DPEP1: variants seen among roughly 807,000 people sequenced by gnomAD.
DPEP1 encodes dipeptidase 1.
Under a neutral mutation model 42.3 loss-of-function variants are expected in DPEP1, and 50 were observed. The ratio of observed to expected loss-of-function variants is 1.18; its 90% CI spans 0.94 to 1.50. DPEP1 has a LOEUF of 1.50. Ranked by LOEUF, DPEP1 falls within the 40% of genes most tolerant of loss-of-function variation. DPEP1 has a pLI of 0.00. For missense variants in DPEP1, 663 were observed against 553.0 expected (o/e 1.20, Z -1.99); for synonymous variants, 297 against 234.0 (o/e 1.27, Z -2.46).
At position 89,614,720 on chromosome 16, in the gene DPEP1, G is replaced by A. The variant is rs192832891; in HGVS notation, c.-107+1001G>A. On this transcript the variant is annotated intron_variant, in intron 1 of 10. Transcript: ENST00000690203. ...TGAAGCAGGAGAATGGCGTGAACCCGGGAGGCGGAGGTTGCGGTGAGCTGA... is the reference window on the plus strand; with the variant it reads ...TGAAGCAGGAGAATGGCGTGAACCCAGGAGGCGGAGGTTGCGGTGAGCTGA... Among the ~76,000 whole-genome samples, 1,085 of 152,334 alleles carry A rather than the reference G, an allele frequency of 7.1e-3. 13 individuals carry two copies. Among genetic ancestry groups the A allele is most frequent in the African/African-American group, 0.025 (1,035 of 41,562 alleles).
chr16:89,627,971 G>A (rs1468175936), intron 1 of DPEP1, among the ~76,000 whole-genome samples: 1 of 152,102 alleles, frequency 6.6e-6, no homozygotes, highest in East Asian at 1.9e-4. Context: ...CGCCCAGGCG[G>A]GAGTGCAGTG....
At chr16:89,613,513 CT>C (rs980282105), upstream of DPEP1, 1 of 152,478 alleles carries the variant, frequency 6.6e-6, no homozygotes, top group Non-Finnish European at 1.5e-5. Flanking sequence ...TCTCTCCAAC[CT>C]TCCCCTCCCC....
At chr16:89,618,345 T>C (rs920566245) in intron 1 of DPEP1, among the ~76,000 whole-genome samples, 1 of 152,194 alleles carries the variant, frequency 6.6e-6, no homozygotes, top group African/African-American at 2.4e-5. Flanking sequence ...GTCTGCTATG[T>C]AGCCAAGACC....
chr16:89,636,102 C>T, intron 3 of DPEP1, 62 bp downstream of exon 3: 1 of 1,560,736 alleles, frequency 6.4e-7, no homozygotes, highest in Middle Eastern at 1.7e-4. Context: ...TACCTCAGGC[C>T]TGGCTACAGT....
In DPEP1 at chr16:89,630,399, G is replaced by A. The variant is rs377731528; in HGVS notation, c.-12G>A. ...AGGGCAGCAGTGCACACAGGTCCCC[G>A]GGGACCCCACCATGTGGAGCGGATG... On this transcript the variant is annotated 5_prime_UTR_variant, in exon 2 of 11. Coordinates refer to ENST00000690203, the MANE Select transcript of DPEP1 (RefSeq NM_001389466.1). The A allele has an allele frequency of 2.1e-5, 34 of 1,605,410 alleles. No individual in the cohort carries two copies. Among genetic ancestry groups the A allele is most frequent in the African/African-American group, 5.4e-5 (4 of 74,368 alleles).
rs146145232 is a variant in DPEP1 at position 89,638,165 on chromosome 16, C to A, written c.1179C>A (p.His393Gln). 1.5e-4 allele frequency: 240 copies of A among 1,606,080 alleles called. No homozygotes were observed. The African/African-American group carries it at 2.8e-3, about 19-fold the overall frequency. Residue 393 changes from histidine to glutamine, a missense_variant, in exon 11 of 11, where the codon CAC becomes CAA. Transcript: ENST00000690203. ...YSSGASSLHRHWGLLLASLAP... is the reference protein window; with the variant it reads ...YSSGASSLHRQWGLLLASLAP... Reference sequence around the variant, plus strand: ...CTGGGGCTTCCAGCCTCCATCGCCACTGGGGGCTCCTGCTGGCCTCCCTCG... The same window carrying A: ...CTGGGGCTTCCAGCCTCCATCGCCAATGGGGGCTCCTGCTGGCCTCCCTCG...
rs1186501404 is a variant in DPEP1, at chr16:89,637,395, G to A, written c.768+15G>A. 3.1e-6 allele frequency: 5 copies of A among 1,612,178 alleles called. No homozygotes were observed. In the South Asian group the frequency reaches 4.4e-5, roughly 14 times the overall value. On this transcript the variant is annotated intron_variant, in intron 7 of 10. Transcript: ENST00000690203. ...TGAGGCTGGTGGTGAGGGCCGAGGG[G>A]GCGACCTCCACCCCGCCTCCCTGGG...
At chr16:89,617,536 T>A (rs1387635083) in intron 1 of DPEP1, among the ~76,000 whole-genome samples, 1 of 149,658 alleles carries the variant, frequency 6.7e-6, no homozygotes, top group Non-Finnish European at 1.5e-5. Flanking sequence ...CCCACACCTG[T>A]GCCGGTCTGT....
rs544128376 is a variant in DPEP1, at chr16:89,614,771, A to G, written c.-107+1052A>G. Among the ~76,000 whole-genome samples the G allele has an allele frequency of 2.0e-3, 305 of 152,240 alleles. 4 individuals are homozygous for G. The highest frequency in any genetic ancestry group is 5.7e-3 in the African/African-American group (236 of 41,548). ...GATCGTGCCACTGCACTCCAGCCTG[A>G]GTGACAGAGCGAGACTCCGTATCCA... On this transcript the variant is annotated intron_variant, in intron 1 of 10. Transcript: ENST00000690203.
At chr16:89,623,674 A>AAGAACC (rs1201439898) in intron 1 of DPEP1, among the ~76,000 whole-genome samples, 4 of 152,070 alleles carry the variant, frequency 2.6e-5, no homozygotes, top group African/African-American at 7.2e-5. Context: ...GAAAACACGA[A>AAGAACC]AGAACCGTGC....
intron 3 of DPEP1, 92 bp from the exon 4 acceptor site, chr16:89,636,172 C>T (rs949383305): frequency 2.6e-6 from 4 of 1,551,948 alleles, no homozygotes; most frequent in Non-Finnish European, 3.5e-6. Context: ...GGGAGGGCTT[C>T]CCAGCGGGTG....
chr16:89,636,157 G>C, intron 3 of DPEP1, 107 bp from the exon 4 acceptor site: 1 of 1,547,464 alleles, frequency 6.5e-7, no homozygotes, highest in East Asian at 2.4e-5. Flanking sequence ...CGGTGCCCAG[G>C]CCGAGGGAGG....
chr16:89,633,944 C>T (rs1052397630), intron 2 of DPEP1, among the ~76,000 whole-genome samples: 15 of 152,140 alleles, frequency 9.9e-5, no homozygotes, highest in Non-Finnish European at 1.8e-4. Context: ...AAGGGGAACC[C>T]TGGGCATTCC....
At chr16:89,614,221 G>T (rs552361856) in intron 1 of DPEP1, among the ~76,000 whole-genome samples, 1 of 152,078 alleles carries the variant, frequency 6.6e-6, no homozygotes, top group Non-Finnish European at 1.5e-5. Context: ...GTCTGGACCC[G>T]CCAGGCCCTC....
intron 3 of DPEP1, 90 bp downstream of exon 3, chr16:89,636,130 G>A: frequency 6.5e-7 from 1 of 1,547,990 alleles, no homozygotes; most frequent in Admixed American, 1.9e-5. Context: ...TCCCTGTGGT[G>A]TTCCTCCAGG....
intron 1 of DPEP1, chr16:89,626,611 A>C (rs1233368149): frequency 6.6e-6 from 1 of 151,942 alleles, no homozygotes; most frequent in Non-Finnish European, 1.5e-5. Context: ...CGGCCTCCCA[A>C]AGTGCTTGGA....
intron 1 of DPEP1, among the ~76,000 whole-genome samples, chr16:89,616,425 C>G (rs115953559): frequency 5.3e-5 from 8 of 151,962 alleles, no homozygotes; most frequent in African/African-American, 1.9e-4. Context: ...CGGGTGTGCT[C>G]GGGGCTGTGC....
At chr16:89,638,719 GCACA>G (rs373543632), downstream of DPEP1, among the ~76,000 whole-genome samples, 3 of 46,858 alleles carry the variant, frequency 6.4e-5, no homozygotes, top group African/African-American at 1.6e-4. Flanking sequence ...CCGCACCCCT[GCACA>G]CACACACACC....
chr16:89,639,563 G>GCACACA (rs2059729079), downstream of DPEP1, among the ~76,000 whole-genome samples: 1 of 106,800 alleles, frequency 9.4e-6, no homozygotes, highest in Non-Finnish European at 1.9e-5. Context: ...CCCACACCCT[G>GCACACA]CACACACCCC....
Sources: gnomAD v4.1 joint callset for allele counts (sites outside exome capture counted in the v4.1 genomes callset) on GRCh38, gnomAD v4.1.1 for gene constraint, MANE v1.5 for transcripts, NCBI Gene and HGNC (gene_info 2026-07-23, HGNC 2026-07-21) for gene names.